SIPA1L2: variants seen among roughly 807,000 people sequenced by gnomAD.
SIPA1L2 encodes the protein signal induced proliferation associated 1 like 2.
Under a neutral mutation model 163.9 loss-of-function variants are expected in SIPA1L2, and 56 were observed. The ratio of observed to expected loss-of-function variants is 0.34; its 90% CI spans 0.28 to 0.43. The LOEUF is 0.43. Ranked by LOEUF, SIPA1L2 falls within the 20% of genes least tolerant of loss-of-function variation. The probability of loss-of-function intolerance (pLI) is 1.00; values close to 1 mark genes in which losing one functional copy is unlikely to be tolerated. For synonymous variants in SIPA1L2, 877 were observed against 865.7 expected (o/e 1.01, Z -0.23); for missense variants, 1,974 against 2,193.5 (o/e 0.90, Z 2.00).
intron 6 of SIPA1L2, among the ~76,000 whole-genome samples, chr1:232,480,472 A>T (rs888653102): frequency 5.3e-5 from 8 of 152,188 alleles, no homozygotes; most frequent in Admixed American, 5.2e-4. Flanking sequence ...AAAACTGTTC[A>T]TCTTTTGAAA....
chr1:232,580,753 G>A (rs1359954770), intron 1 of SIPA1L2, among the ~76,000 whole-genome samples: 2 of 152,138 alleles, frequency 1.3e-5, no homozygotes, highest in African/African-American at 4.8e-5. Context: ...AGAAAGCCTG[G>A]CTGTATTAAT....
At chr1:232,480,179 GTGTGTGTGTGTGTT>G (rs1275706139) in intron 6 of SIPA1L2, among the ~76,000 whole-genome samples, 5 of 139,110 alleles carry the variant, frequency 3.6e-5, no homozygotes, top group East Asian at 2.1e-4. Flanking sequence ...GTGTGTGTGT[GTGTGTGTGTGTGTT>G]TTTACAGTTA....
chr1:232,630,155 A>ACCGC (rs1394444320), upstream of SIPA1L2, among the ~76,000 whole-genome samples: 2 of 150,768 alleles, frequency 1.3e-5, no homozygotes, highest in African/African-American at 2.4e-5. Flanking sequence ...TCCCGATGCC[A>ACCGC]CCGCCCGCCC....
chr1:232,565,497 G>C (rs1235997676), intron 2 of SIPA1L2, among the ~76,000 whole-genome samples: 1 of 152,214 alleles, frequency 6.6e-6, no homozygotes, highest in Non-Finnish European at 1.5e-5. Context: ...TGCATCCACA[G>C]AGCAAGAAAG....
At chr1:232,575,437 T>G (rs958462199) in intron 1 of SIPA1L2, among the ~76,000 whole-genome samples, 1 of 152,198 alleles carries the variant, frequency 6.6e-6, no homozygotes, top group African/African-American at 2.4e-5. Flanking sequence ...CTGTCTCCAT[T>G]TTTATGAAGG....
At chr1:232,468,790 CAG>C (rs1664653112) in intron 8 of SIPA1L2, among the ~76,000 whole-genome samples, 1 of 152,192 alleles carries the variant, frequency 6.6e-6, no homozygotes, top group South Asian at 2.1e-4. Context: ...GAGCATTTTG[CAG>C]AGAGTTTATC....
intron 1 of SIPA1L2, among the ~76,000 whole-genome samples, chr1:232,623,448 A>G (rs1022051489): frequency 3.7e-4 from 56 of 152,234 alleles, no homozygotes; most frequent in African/African-American, 1.3e-3. Flanking sequence ...TACTAAAAAT[A>G]CAAAAAAAAA....
At chr1:232,539,424 A>G (rs1657508042) in intron 2 of SIPA1L2, among the ~76,000 whole-genome samples, 1 of 152,308 alleles carries the variant, frequency 6.6e-6, no homozygotes, top group African/African-American at 2.4e-5. Flanking sequence ...CTAAAAGTCA[A>G]ACAACCCTGA....
chr1:232,500,976 G>A (rs77438144), intron 3 of SIPA1L2, among the ~76,000 whole-genome samples: 1 of 151,024 alleles, frequency 6.6e-6, no homozygotes, highest in African/African-American at 2.4e-5. Context: ...CAATGTGGAG[G>A]CAAGATCCTC....
At chr1:232,486,496 C>T (rs1006858782) in intron 5 of SIPA1L2, among the ~76,000 whole-genome samples, 4 of 152,166 alleles carry the variant, frequency 2.6e-5, no homozygotes, top group African/African-American at 7.2e-5. Context: ...GATTTCAAGG[C>T]CCTCAGATGT....
chr1:232,559,243 T>G (rs1658898344), intron 2 of SIPA1L2, among the ~76,000 whole-genome samples: 1 of 152,204 alleles, frequency 6.6e-6, no homozygotes, highest in African/African-American at 2.4e-5. Flanking sequence ...TATGCAGAGC[T>G]CAATCATAGG....
intron 2 of SIPA1L2, among the ~76,000 whole-genome samples, chr1:232,573,899 T>G (rs1402690109): frequency 6.6e-6 from 1 of 152,132 alleles, no homozygotes. Flanking sequence ...CAGATCCTTT[T>G]AAACGCATTC....
intron 10 of SIPA1L2, among the ~76,000 whole-genome samples, chr1:232,446,326 G>C (rs1394264393): frequency 6.6e-6 from 1 of 152,132 alleles, no homozygotes; most frequent in Non-Finnish European, 1.5e-5. Context: ...CCAAGACTGG[G>C]CCTCTGGTCC....
At chr1:232,476,816 G>C (rs559582669) in intron 7 of SIPA1L2, among the ~76,000 whole-genome samples, 1 of 152,262 alleles carries the variant, frequency 6.6e-6, no homozygotes, top group South Asian at 2.1e-4. Flanking sequence ...ATTACAAGAA[G>C]GAACACAAGA....
At chr1:232,462,347 G>A in intron 9 of SIPA1L2, 1 of 1,533,860 alleles carries the variant, frequency 6.5e-7, no homozygotes, top group African/African-American at 1.4e-5. Context: ...TCAGTTTAAT[G>A]AACACTCCAT....
chr1:232,479,593 C>T, intron 7 of SIPA1L2, 34 bp downstream of exon 7: 1 of 1,553,282 alleles, frequency 6.4e-7, no homozygotes, highest in Non-Finnish European at 8.9e-7. Context: ...ATTTCATACT[C>T]AGCGTAAAAA....
chr1:232,461,091 T>C lies in SIPA1L2; in HGVS notation c.2891A>G (p.His964Arg). The part of the protein sequence containing the change: ...RRNGLGQLGF[H>R]VNFEGIVADV... ...TGCGACAATTCCTTCAAAATTCACATGGAAGCCAAGCTGGCCCAGCCCGTT... is the reference window on the plus strand; with the variant it reads ...TGCGACAATTCCTTCAAAATTCACACGGAAGCCAAGCTGGCCCAGCCCGTT... The change falls in exon 10 of 23, where the codon CAT becomes CGT. Residue 964 changes from histidine to arginine, a missense_variant. Transcript: ENST00000674635. 2 of 1,614,276 alleles carry C rather than the reference T, an allele frequency of 1.2e-6. No individual in the cohort carries two copies.
chr1:232,448,826 G>T (rs1334452524), intron 10 of SIPA1L2, among the ~76,000 whole-genome samples: 1 of 152,186 alleles, frequency 6.6e-6, no homozygotes, highest in African/African-American at 2.4e-5. Flanking sequence ...TCCACACAGC[G>T]CCTGGCCTAG....
chr1:232,522,204 A>G (rs1667487703), intron 2 of SIPA1L2, among the ~76,000 whole-genome samples: 1 of 152,078 alleles, frequency 6.6e-6, no homozygotes, highest in Admixed American at 6.5e-5. Context: ...ACAGTTCCTT[A>G]TTTCCCTCTG....
Sources: gnomAD v4.1 joint callset for allele counts (sites outside exome capture counted in the v4.1 genomes callset) on GRCh38, gnomAD v4.1.1 for gene constraint, MANE v1.5 for transcripts, NCBI Gene and HGNC (gene_info 2026-07-23, HGNC 2026-07-21) for gene names.